Variants in VSTM2L observed in about 807,000 individuals in gnomAD.
VSTM2L encodes V-set and transmembrane domain-containing protein 2-like protein.
In VSTM2L, 9 loss-of-function variants were observed where a neutral mutation model predicts 19.9. The observed-to-expected ratio is 0.45, with a 90% CI of 0.27 to 0.79. VSTM2L has a LOEUF of 0.79. Ranked by LOEUF, VSTM2L falls within the 30% of genes least tolerant of loss-of-function variation. The pLI is 0.15. For synonymous variants in VSTM2L, 127 were observed against 133.8 expected, an observed-to-expected ratio of 0.95 and a Z score of 0.35; for missense variants, 286 against 295.5, an observed-to-expected ratio of 0.97 and a Z score of 0.24.
chr20:37,936,194 T>C (rs4487142), intron 3 of VSTM2L, among the ~76,000 whole-genome samples: 90,691 of 151,366 alleles, frequency 0.6, 27,243 homozygotes, highest in Middle Eastern at 0.67. Context: ...CCGCGCCTGG[T>C]TGGTGTGGAT....
intron 1 of VSTM2L, among the ~76,000 whole-genome samples, chr20:37,914,585 G>A (rs541100828): frequency 4.4e-4 from 67 of 151,696 alleles, no homozygotes; most frequent in African/African-American, 1.5e-3. Flanking sequence ...TCTCTCCCTG[G>A]CTGTTCCCTC....
intron 1 of VSTM2L, among the ~76,000 whole-genome samples, chr20:37,914,457 ATTGTGTGTATGTGTGTATTT>A (rs2072805064): frequency 7.9e-6 from 1 of 126,026 alleles, no homozygotes; most frequent in Non-Finnish European, 1.8e-5. Flanking sequence ...GTGTGTGTGT[ATTGTGTGTATGTGTGTATTT>A]TGTGTGTGTG....
chr20:37,941,986 G>C (rs760413596), intron 3 of VSTM2L, among the ~76,000 whole-genome samples: 1 of 151,338 alleles, frequency 6.6e-6, no homozygotes, highest in Non-Finnish European at 1.5e-5. Flanking sequence ...CCATCAGCCA[G>C]CTTCCCCAGT....
In VSTM2L at chr20:37,903,401, T is replaced by C; in HGVS notation, c.51T>C (p.Leu17=). Residue 17 remains leucine (L), a synonymous_variant, in exon 1 of 4, where the codon CTT becomes CTC. Coordinates refer to ENST00000373461, the MANE Select transcript of VSTM2L (RefSeq NM_080607.3). The part of the protein sequence containing the change: ...VALGALHYLA[L]FLQLGGATRP... ...TGGGCGCCCTCCACTACCTGGCACTTTTCCTGCAACTCGGCGGCGCCACGC... is the reference window on the plus strand; with the variant it reads ...TGGGCGCCCTCCACTACCTGGCACTCTTCCTGCAACTCGGCGGCGCCACGC... 6.7e-7 allele frequency: 1 copy of C among 1,490,614 alleles called. No individual in the cohort carries two copies. The highest frequency in any genetic ancestry group is 1.5e-5 in the African/African-American group (1 of 68,692). 92.3% of individuals were successfully genotyped at this position (1,490,614 alleles called of 1,614,324 possible). A position where few individuals can be genotyped will look rare whatever the true frequency, so the allele number is the denominator to read the frequency against.
At chr20:37,914,366 A>ATTTGGGTGTG (rs2072800397) in intron 1 of VSTM2L, among the ~76,000 whole-genome samples, 2 of 1,380 alleles carry the variant, frequency 1.4e-3, no homozygotes, top group Non-Finnish European at 3.1e-3. Flanking sequence ...GGGTGTTTAT[A>ATTTGGGTGTG]TATGTGTGTG....
At chr20:37,917,632 A>G (rs950373319) in intron 1 of VSTM2L, among the ~76,000 whole-genome samples, 3 of 152,260 alleles carry the variant, frequency 2.0e-5, no homozygotes, top group Admixed American at 2.0e-4. Context: ...CACGCCAGGG[A>G]GAGCTGTGGC....
chr20:37,904,858 GC>G (rs1183811554), intron 1 of VSTM2L, among the ~76,000 whole-genome samples: 1 of 152,100 alleles, frequency 6.6e-6, no homozygotes, highest in African/African-American at 2.4e-5. Context: ...ATGACTCCCC[GC>G]CCCCTTCTGC....
intron 3 of VSTM2L, among the ~76,000 whole-genome samples, chr20:37,942,510 A>G (rs780063410): frequency 6.6e-6 from 1 of 152,158 alleles, no homozygotes; most frequent in South Asian, 2.1e-4. Context: ...AGGCAGCAAC[A>G]TGGAGAAATC....
intron 1 of VSTM2L, among the ~76,000 whole-genome samples, chr20:37,920,809 A>G (rs1027084099): frequency 6.6e-6 from 1 of 152,244 alleles, no homozygotes; most frequent in Non-Finnish European, 1.5e-5. Context: ...AATGAACTGG[A>G]TGAATGAATG....
At position 37,944,315 on chromosome 20, in the gene VSTM2L, G is replaced by A. The variant is rs1228982647; in HGVS notation, c.*62G>A. 211 of 1,347,222 alleles carry A rather than the reference G, an allele frequency of 1.6e-4. 1 individual carries two copies. The Middle Eastern group carries it at 2.8e-3, about 18-fold the overall frequency. The allele number at this position is 1,347,222 out of a possible 1,614,324, so 83.5% of individuals were successfully genotyped here. ...TGTACAGAGTGCATGAGGAGCCGCC[G>A]GACCACCGGGGACCGACTGCCTGCG... On this transcript the variant is annotated 3_prime_UTR_variant, in exon 4 of 4. Transcript: ENST00000373461.
chr20:37,942,539 G>A (rs2072978385), intron 3 of VSTM2L, among the ~76,000 whole-genome samples: 1 of 152,206 alleles, frequency 6.6e-6, no homozygotes, highest in African/African-American at 2.4e-5. Context: ...AACAGGTTGT[G>A]TCGAAAAAGC....
intron 3 of VSTM2L, 113 bp from the exon 4 acceptor site, chr20:37,943,868 G>T: frequency 1.7e-6 from 2 of 1,161,010 alleles, no homozygotes; most frequent in Non-Finnish European, 2.3e-6. Flanking sequence ...GCCCTTGTGG[G>T]AGTGTTTCTG....
intron 1 of VSTM2L, among the ~76,000 whole-genome samples, chr20:37,925,662 A>G (rs1356785567): frequency 1.3e-5 from 2 of 152,200 alleles, no homozygotes; most frequent in African/African-American, 4.8e-5. Flanking sequence ...TACCGAGGTC[A>G]GAGTCAAAAG....
intron 1 of VSTM2L, among the ~76,000 whole-genome samples, chr20:37,904,293 G>A (rs2072739101): frequency 6.6e-6 from 1 of 152,236 alleles, no homozygotes; most frequent in South Asian, 2.1e-4. Context: ...CTCTGGGGAT[G>A]GGCAGGAAGC....
At chr20:37,943,198 CA>C (rs2072983595) in intron 3 of VSTM2L, among the ~76,000 whole-genome samples, 1 of 152,128 alleles carries the variant, frequency 6.6e-6, no homozygotes, top group African/African-American at 2.4e-5. Context: ...GCCCAGGTCT[CA>C]AACTCCTGAC....
intron 1 of VSTM2L, among the ~76,000 whole-genome samples, chr20:37,924,276 G>C (rs1309292922): frequency 6.6e-6 from 1 of 151,858 alleles, no homozygotes; most frequent in African/African-American, 2.4e-5. Context: ...AACATGGCCA[G>C]GCGCGATGGC....
intron 1 of VSTM2L, among the ~76,000 whole-genome samples, chr20:37,913,876 C>T (rs2072794308): frequency 6.6e-6 from 1 of 152,204 alleles, no homozygotes; most frequent in Non-Finnish European, 1.5e-5. Flanking sequence ...CCCTGGAAGC[C>T]TTCTGAGTGG....
intron 1 of VSTM2L, among the ~76,000 whole-genome samples, chr20:37,913,960 TTG>T (rs1464609639): frequency 6.6e-6 from 1 of 152,018 alleles, no homozygotes; most frequent in African/African-American, 2.4e-5. Context: ...GAAGCAGGAC[TTG>T]GGGCTGGATG....
At chr20:37,916,642 A>G (rs969802973) in intron 1 of VSTM2L, among the ~76,000 whole-genome samples, 1 of 152,212 alleles carries the variant, frequency 6.6e-6, no homozygotes, top group Non-Finnish European at 1.5e-5. Context: ...TCCGTGCCTC[A>G]GTTTCCCCAT....
Sources: gnomAD v4.1 joint callset for allele counts (sites outside exome capture counted in the v4.1 genomes callset) on GRCh38, gnomAD v4.1.1 for gene constraint, MANE v1.5 for transcripts, NCBI Gene and HGNC (gene_info 2026-07-23, HGNC 2026-07-21) for gene names.